Variants in ATP10D observed in about 807,000 individuals in gnomAD.
ATP10D encodes phospholipid-transporting ATPase VD.
Under a neutral mutation model 144.8 loss-of-function variants are expected in ATP10D, and 89 were observed. The ratio of observed to expected loss-of-function variants is 0.61; its 90% CI spans 0.52 to 0.73. The LOEUF (loss-of-function observed/expected upper bound fraction) is 0.73. Ranked by LOEUF, ATP10D falls within the 30% of genes least tolerant of loss-of-function variation. The probability of loss-of-function intolerance (pLI) is 0.00; values close to 1 mark genes in which losing one functional copy is unlikely to be tolerated. For missense variants in ATP10D, 1,603 were observed against 1,714.8 expected (o/e 0.93, Z 1.15); for synonymous variants, 571 against 615.1 (o/e 0.93, Z 1.06).
At chr4:47,509,942 G>C (rs1716222551) in intron 1 of ATP10D, among the ~76,000 whole-genome samples, 1 of 84,368 alleles carries the variant, frequency 1.2e-5, no homozygotes, top group Non-Finnish European at 2.2e-5. Context: ...TTTGTTTCAG[G>C]GGTGTGTGTG....
chr4:47,547,003 A>G (rs1006976000), intron 10 of ATP10D, 141 bp downstream of exon 10: 8 of 717,926 alleles, frequency 1.1e-5, no homozygotes, highest in African/African-American at 1.1e-4. Flanking sequence ...CAAGATCACC[A>G]CACATAATTA....
At chr4:47,569,266 C>T in intron 16 of ATP10D, 120 bp downstream of exon 16, 2 of 1,132,760 alleles carry the variant, frequency 1.8e-6, no homozygotes, top group East Asian at 5.1e-5. Context: ...TTTTCTCTAC[C>T]ACATTCATGC....
chr4:47,507,850 C>T (rs1716102570), intron 1 of ATP10D, among the ~76,000 whole-genome samples: 3 of 152,140 alleles, frequency 2.0e-5, no homozygotes, highest in East Asian at 1.9e-4. Flanking sequence ...TCCCTCATTC[C>T]GTGGTCAAGC....
At chr4:47,545,371 C>T (rs1219407506) in intron 9 of ATP10D, among the ~76,000 whole-genome samples, 1 of 152,120 alleles carries the variant, frequency 6.6e-6, no homozygotes, top group Non-Finnish European at 1.5e-5. Context: ...GTGTTTTATG[C>T]AGGAAGTGAT....
intron 5 of ATP10D, among the ~76,000 whole-genome samples, chr4:47,533,311 A>T (rs940971074): frequency 6.6e-6 from 1 of 152,134 alleles, no homozygotes; most frequent in African/African-American, 2.4e-5. Context: ...GAAAAAGCTG[A>T]ATTAGCTTAA....
At chr4:47,511,101 G>A (rs1425180520) in intron 1 of ATP10D, among the ~76,000 whole-genome samples, 1 of 152,176 alleles carries the variant, frequency 6.6e-6, no homozygotes, top group Non-Finnish European at 1.5e-5. Context: ...TGAGCAGCCA[G>A]TTAAAAGAAC....
At chr4:47,498,950 A>T (rs947026016) in intron 1 of ATP10D, among the ~76,000 whole-genome samples, 7 of 152,202 alleles carry the variant, frequency 4.6e-5, no homozygotes, top group Non-Finnish European at 1.0e-4. Context: ...AGTAAAGATC[A>T]CACACTGGGA....
chr4:47,509,063 T>C (rs1716173694), intron 1 of ATP10D, among the ~76,000 whole-genome samples: 1 of 152,240 alleles, frequency 6.6e-6, no homozygotes, highest in Admixed American at 6.5e-5. Flanking sequence ...CTTTTAACTT[T>C]GTTGGAAGTG....
intron 21 of ATP10D, among the ~76,000 whole-genome samples, chr4:47,584,199 AAGTAT>A (rs890241552): frequency 9.9e-5 from 15 of 152,004 alleles, no homozygotes; most frequent in Non-Finnish European, 2.2e-4. Context: ...GCCATTCTGA[AAGTAT>A]AAAACTCTTT....
At chr4:47,528,495 GTGTGTGTGTGTGTGTGTGTATATATA>G (rs1299299625) in intron 5 of ATP10D, among the ~76,000 whole-genome samples, 19 of 77,400 alleles carry the variant, frequency 2.5e-4, no homozygotes, top group African/African-American at 7.2e-4. Flanking sequence ...GTGTGTGTGT[GTGTGTGTGTGTGTGTGTGTATATATA>G]TATATATACA....
intron 5 of ATP10D, among the ~76,000 whole-genome samples, chr4:47,526,226 T>C (rs1470625390): frequency 6.6e-6 from 1 of 152,218 alleles, no homozygotes; most frequent in African/African-American, 2.4e-5. Flanking sequence ...GTGGGACTTA[T>C]TCCCCAAAAA....
rs35375547 is a variant in ATP10D, at chr4:47,591,275, C to A, written c.4175C>A (p.Ala1392Asp). ...VFAMKSASSC[A>D]IEQGNLSLCE... ...GCAATGAAGTCAGCAAGTTCCTGTG[C>A]TATTGAGCAAGGAAACTTATCTCTG... The change falls in exon 23 of 23, where the codon GCT becomes GAT. Residue 1392 changes from alanine (A) to aspartate (D), a missense_variant. By Grantham distance (126) the Ala-to-Asp change is moderately radical. Transcript: ENST00000273859. 4 of 1,613,558 alleles carry A rather than the reference C, an allele frequency of 2.5e-6. No individual in the cohort carries two copies. Among genetic ancestry groups the A allele is most frequent in the Non-Finnish European group, 3.4e-6 (4 of 1,179,576 alleles).
In ATP10D at chr4:47,591,402, A is replaced by C. The variant is rs894656604; in HGVS notation, c.*21A>C. 6.5e-7 allele frequency: 1 copy of C among 1,545,610 alleles called. No individual in the cohort carries two copies. The highest frequency in any genetic ancestry group is 8.7e-7 in the Non-Finnish European group (1 of 1,144,406). ...GCTAGATACCCTCCTTGGAGTTGCA[A>C]GTATTCTTTCAAGGTTGGAAGAGGG... is the stretch of plus-strand genomic sequence containing the variant. On this transcript the variant is annotated 3_prime_UTR_variant, in exon 23 of 23. Transcript: ENST00000273859.
At chr4:47,555,361 T>C (rs28587139) in intron 11 of ATP10D, among the ~76,000 whole-genome samples, 2 of 152,174 alleles carry the variant, frequency 1.3e-5, no homozygotes, top group Non-Finnish European at 2.9e-5. Flanking sequence ...TGTGGAAAAT[T>C]GTCTTCACAA....
chr4:47,551,957 A>C (rs4694854), intron 10 of ATP10D, among the ~76,000 whole-genome samples: 129,825 of 152,242 alleles, frequency 0.85, 55,752 homozygotes, highest in East Asian at 0.99. Flanking sequence ...TTAGTGGGAC[A>C]AACTAAAGTA....
intron 17 of ATP10D, among the ~76,000 whole-genome samples, chr4:47,572,644 CGT>C (rs72171059): frequency 0.13 from 18,612 of 145,126 alleles, 1,177 homozygotes; most frequent in East Asian, 0.22. Context: ...TTTGTGCGCA[CGT>C]GTGTGTGTGT....
intron 5 of ATP10D, among the ~76,000 whole-genome samples, chr4:47,526,220 G>T (rs559355236): frequency 1.4e-3 from 213 of 152,254 alleles, no homozygotes; most frequent in Non-Finnish European, 2.0e-3. Flanking sequence ...GACCCAGTGG[G>T]ACTTATTCCC....
chr4:47,579,882 C>T (rs540788456), intron 19 of ATP10D, among the ~76,000 whole-genome samples: 11 of 152,296 alleles, frequency 7.2e-5, no homozygotes, highest in South Asian at 2.1e-4. Flanking sequence ...AGGAATACTG[C>T]GCTGGCAGCA....
intron 19 of ATP10D, 126 bp from the exon 20 acceptor site, chr4:47,580,272 G>C (rs1386358959): frequency 1.3e-6 from 1 of 784,866 alleles, no homozygotes. Context: ...TACCTCTGTT[G>C]ACAAATACCA....
Sources: gnomAD v4.1 joint callset for allele counts (sites outside exome capture counted in the v4.1 genomes callset) on GRCh38, gnomAD v4.1.1 for gene constraint, MANE v1.5 for transcripts, NCBI Gene and HGNC (gene_info 2026-07-23, HGNC 2026-07-21) for gene names.